The following C8A variants were observed in gnomAD, a reference collection of about 807,000 sequenced individuals.
C8A encodes the protein complement C8 alpha chain, also known as complement component C8 alpha chain.
Under a neutral mutation model 65.3 loss-of-function variants are expected in C8A, and 67 were observed. That is an observed-to-expected ratio of 1.03 (90% CI 0.84 to 1.26). The LOEUF (loss-of-function observed/expected upper bound fraction) is 1.26. C8A is among the 50% of genes most tolerant of loss of function. The pLI, the probability that C8A is intolerant of heterozygous loss-of-function variation, is 0.00. For synonymous variants in C8A, 290 were observed against 259.4 expected (o/e 1.12, Z -1.13); for missense variants, 781 against 723.9 (o/e 1.08, Z -0.90).
At chr1:56,882,155 A>G (rs1343118880) in intron 5 of C8A, among the ~76,000 whole-genome samples, 2 of 152,112 alleles carry the variant, frequency 1.3e-5, no homozygotes, top group Non-Finnish European at 2.9e-5. Context: ...AATGCTTGCA[A>G]ATTGCTGACG....
At chr1:56,867,319 C>T (rs1008730778) in intron 1 of C8A, among the ~76,000 whole-genome samples, 1 of 152,176 alleles carries the variant, frequency 6.6e-6, no homozygotes, top group Middle Eastern at 3.2e-3. Context: ...CTTTCTGCTA[C>T]TTTGGCTCTT....
chr1:56,889,078 T>C (rs758680098), intron 7 of C8A, among the ~76,000 whole-genome samples: 8 of 152,262 alleles, frequency 5.3e-5, no homozygotes, highest in South Asian at 4.1e-4. Context: ...GCTTCCAATG[T>C]GGTTAATATT....
At chr1:56,906,390 G>T (rs1176991966) in intron 7 of C8A, among the ~76,000 whole-genome samples, 1 of 152,098 alleles carries the variant, frequency 6.6e-6, no homozygotes, top group Non-Finnish European at 1.5e-5. Flanking sequence ...TAGAATTATT[G>T]CCTCAAGGTG....
intron 6 of C8A, among the ~76,000 whole-genome samples, chr1:56,884,629 T>C (rs1293740645): frequency 1.3e-5 from 2 of 152,182 alleles, no homozygotes; most frequent in African/African-American, 4.8e-5. Flanking sequence ...TATGGACTTT[T>C]CTAAAAGCAT....
At chr1:56,906,175 A>G (rs1044947749) in intron 7 of C8A, among the ~76,000 whole-genome samples, 3 of 152,220 alleles carry the variant, frequency 2.0e-5, no homozygotes, top group African/African-American at 7.2e-5. Context: ...AGCTCTGAAA[A>G]AAGAGGGAAT....
chr1:56,885,371 T>TACATAAATAC (rs1330214079), intron 6 of C8A, among the ~76,000 whole-genome samples: 2 of 68,012 alleles, frequency 2.9e-5, no homozygotes, highest in African/African-American at 2.5e-4. Flanking sequence ...AATATATATT[T>TACATAAATAC]ATATTTATTT....
chr1:56,880,573 C>T (rs937953778), intron 4 of C8A, among the ~76,000 whole-genome samples: 3 of 151,988 alleles, frequency 2.0e-5, no homozygotes, highest in African/African-American at 7.3e-5. Flanking sequence ...AACTGTGCAC[C>T]CTCCAATGTC....
chr1:56,906,671 T>C lies in C8A; in HGVS notation c.1101T>C (p.Ile367=). 6.2e-7 allele frequency: 1 copy of C among 1,614,078 alleles called. No homozygotes were observed. The highest frequency in any genetic ancestry group is 1.1e-5 in the South Asian group (1 of 91,076). ...IDKAKMESLG[I]TSRDITTCFG... ...TTCTCTGTCTCCCTGTTGCAGGTAT[T>C]ACCAGCAGAGATATCACGACATGTT... Residue 367 remains isoleucine, a synonymous_variant, in exon 8 of 11, where the codon ATT becomes ATC. Coordinates refer to ENST00000361249, the MANE Select transcript of C8A (RefSeq NM_000562.3).
At chr1:56,865,088 C>T (rs1038468270) in intron 1 of C8A, among the ~76,000 whole-genome samples, 1 of 152,124 alleles carries the variant, frequency 6.6e-6, no homozygotes, top group Non-Finnish European at 1.5e-5. Flanking sequence ...AATTAAACCT[C>T]AATCCTTGAA....
At position 56,881,542 on chromosome 1, in the gene C8A, C is replaced by T; in HGVS notation, c.562C>T (p.Leu188Phe). ...ETVYNGEWRE[L>F]RYDSTCERLY... The stretch of plus-strand genomic sequence containing the variant: ...GGTATACAATGGGGAATGGAGGGAG[C>T]TTCGATATGACTCCACCTGTGAACG... Residue 188 changes from leucine to phenylalanine, a missense_variant, in exon 5 of 11, where the codon CTT (leucine) becomes TTT (phenylalanine). By Grantham distance (22) the Leu-to-Phe change is conservative. Transcript: ENST00000361249. 1.2e-6 allele frequency: 2 copies of T among 1,613,744 alleles called. No homozygotes were observed. The highest frequency in any genetic ancestry group is 1.1e-5 in the South Asian group (1 of 91,068).
At position 56,876,124 on chromosome 1, in the gene C8A, G is replaced by A; in HGVS notation, c.379G>A (p.Glu127Lys). The A allele has an allele frequency of 6.2e-7, 1 of 1,613,912 alleles. No individual in the cohort carries two copies. The highest frequency in any genetic ancestry group is 1.3e-5 in the African/African-American group (1 of 75,032). ...CCAGGACTGCCTTGATGGCTCTGATGAGGACGACTGTGAAGATGTCAGGGC... is the reference window on the plus strand; with the variant it reads ...CCAGGACTGCCTTGATGGCTCTGATAAGGACGACTGTGAAGATGTCAGGGC... ...GDQDCLDGSD[E>K]DDCEDVRAID... The change falls in exon 4 of 11, where the codon GAG becomes AAG. Residue 127 changes from glutamate to lysine, a missense_variant. Transcript: ENST00000361249.
intron 10 of C8A, among the ~76,000 whole-genome samples, chr1:56,916,082 T>C (rs543606824): frequency 6.6e-6 from 1 of 152,234 alleles, no homozygotes; most frequent in African/African-American, 2.4e-5. Context: ...CAGACGTGCC[T>C]CTCCATGGTC....
intron 1 of C8A, among the ~76,000 whole-genome samples, chr1:56,861,303 TC>T (rs1644031166): frequency 6.6e-6 from 1 of 152,168 alleles, no homozygotes; most frequent in South Asian, 2.1e-4. Flanking sequence ...ATTAGGAACA[TC>T]CTGGTGAGTA....
intron 7 of C8A, among the ~76,000 whole-genome samples, chr1:56,901,731 C>G (rs1244371600): frequency 1.3e-5 from 2 of 151,984 alleles, no homozygotes; most frequent in Non-Finnish European, 1.5e-5. Context: ...TGCAGGGTCT[C>G]CCTCATCTCC....
chr1:56,912,012 A>G (rs1282792416), intron 9 of C8A, among the ~76,000 whole-genome samples: 1 of 152,240 alleles, frequency 6.6e-6, no homozygotes, highest in Non-Finnish European at 1.5e-5. Flanking sequence ...ACATTGCTCC[A>G]GGATCACTGT....
chr1:56,894,733 TA>T (rs975983354), intron 7 of C8A, among the ~76,000 whole-genome samples: 46 of 152,238 alleles, frequency 3.0e-4, no homozygotes, highest in African/African-American at 1.1e-3. Context: ...GACAAACATT[TA>T]TGAAGTACAC....
chr1:56,873,457 C>T (rs778418184), intron 2 of C8A, among the ~76,000 whole-genome samples: 21 of 152,098 alleles, frequency 1.4e-4, no homozygotes, highest in Non-Finnish European at 2.8e-4. Context: ...GGGCCCTGAA[C>T]CCAAGTCTGT....
chr1:56,881,460 C>T lies in C8A; in HGVS notation c.480C>T (p.Thr160=). 6.2e-7 allele frequency: 1 copy of T among 1,613,492 alleles called. No individual in the cohort carries two copies. Among genetic ancestry groups the T allele is most frequent in the South Asian group, 1.1e-5 (1 of 91,068 alleles). ...QKAALGYNIL[T]QEDAQSVYDA... ...TTCCATGTAGGTACAATATCCTGAC[C>T]CAGGAAGATGCTCAGAGTGTGTACG... The change falls in exon 5 of 11, where the codon ACC becomes ACT. Residue 160 remains threonine (T), a synonymous_variant. Coordinates refer to ENST00000361249, the MANE Select transcript of C8A (RefSeq NM_000562.3).
chr1:56,901,502 G>A (rs1424617685), intron 7 of C8A, among the ~76,000 whole-genome samples: 1 of 151,966 alleles, frequency 6.6e-6, no homozygotes, highest in African/African-American at 2.4e-5. Context: ...TAGAAGACAT[G>A]GTGGCCAGAC....
Sources: allele counts gnomAD v4.1 joint callset (sites outside exome capture counted in the v4.1 genomes callset), GRCh38; gene constraint gnomAD v4.1.1; transcripts MANE v1.5; gene names NCBI Gene and HGNC (gene_info 2026-07-23, HGNC 2026-07-21).